Variants in AKT3 observed in about 807,000 individuals in gnomAD.
AKT3 encodes RAC-gamma serine/threonine-protein kinase.
In AKT3, 15 loss-of-function variants were observed where a neutral mutation model predicts 65.3. That is an observed-to-expected ratio of 0.23 (90% CI 0.15 to 0.35). The LOEUF (loss-of-function observed/expected upper bound fraction) is 0.35. Among genes scored for constraint, AKT3 ranks in the 10% least tolerant of loss-of-function variants. The pLI is 1.00. For missense variants in AKT3, 243 were observed against 576.5 expected, an observed-to-expected ratio of 0.42 and a Z score of 5.92; for synonymous variants, 206 against 183.8, an observed-to-expected ratio of 1.12 and a Z score of -0.98.
intron 3 of AKT3, among the ~76,000 whole-genome samples, chr1:243,666,903 A>G (rs1381881955): frequency 2.0e-5 from 3 of 152,208 alleles, no homozygotes; most frequent in Admixed American, 2.0e-4. Context: ...AGAAAACACA[A>G]AAACTAAGAG....
downstream of AKT3, among the ~76,000 whole-genome samples, chr1:243,497,226 A>G (rs1053369059): frequency 6.6e-6 from 1 of 151,986 alleles, no homozygotes; most frequent in Non-Finnish European, 1.5e-5. Context: ...GTGTGTTACC[A>G]AAGAGTCAGC....
intron 2 of AKT3, among the ~76,000 whole-genome samples, chr1:243,771,085 T>C (rs1008665185): frequency 6.6e-6 from 1 of 152,108 alleles, no homozygotes; most frequent in African/African-American, 2.4e-5. Flanking sequence ...GAAATGCTGT[T>C]TGTGCAAATG....
chr1:243,845,351 C>G (rs12024229), intron 1 of AKT3, among the ~76,000 whole-genome samples: 1 of 29,002 alleles, frequency 3.4e-5, no homozygotes, highest in African/African-American at 1.4e-4. Context: ...AGTTTGTAAT[C>G]CCAGCACTTT....
At chr1:243,537,748 A>G (rs1258061482) in intron 12 of AKT3, among the ~76,000 whole-genome samples, 1 of 152,198 alleles carries the variant, frequency 6.6e-6, no homozygotes, top group Non-Finnish European at 1.5e-5. Flanking sequence ...AAGAAGCCGC[A>G]GTGTATTCAC....
intron 8 of AKT3, among the ~76,000 whole-genome samples, chr1:243,596,348 T>A (rs1676613871): frequency 1.3e-5 from 2 of 152,214 alleles, no homozygotes; most frequent in African/African-American, 4.8e-5. Context: ...ATACAAATAT[T>A]TGGCAAACTA....
chr1:243,650,030 A>G (rs555451834), intron 4 of AKT3, among the ~76,000 whole-genome samples: 5 of 152,318 alleles, frequency 3.3e-5, no homozygotes, highest in African/African-American at 7.2e-5. Context: ...ACTCCCACCA[A>G]TAGTGTAATA....
At chr1:243,824,224 G>A (rs1382963476) in intron 2 of AKT3, among the ~76,000 whole-genome samples, 1 of 152,076 alleles carries the variant, frequency 6.6e-6, no homozygotes, top group Non-Finnish European at 1.5e-5. Flanking sequence ...AATTGAAACT[G>A]GGCCCCTTCC....
intron 6 of AKT3, among the ~76,000 whole-genome samples, chr1:243,628,848 T>C (rs921565536): frequency 2.1e-4 from 32 of 152,250 alleles, no homozygotes; most frequent in Admixed American, 1.8e-3. Flanking sequence ...AAGGGCTCAA[T>C]TGTACATTGT....
At chr1:243,726,597 C>CA (rs1286604489) in intron 2 of AKT3, among the ~76,000 whole-genome samples, 2 of 152,160 alleles carry the variant, frequency 1.3e-5, no homozygotes, top group Non-Finnish European at 2.9e-5. Context: ...CCAATATTCT[C>CA]TTTTTCAACC....
chr1:243,737,706 A>G (rs1687924117), intron 2 of AKT3, among the ~76,000 whole-genome samples: 1 of 152,202 alleles, frequency 6.6e-6, no homozygotes, highest in African/African-American at 2.4e-5. Context: ...TCTACAATAA[A>G]TAGGACAACT....
chr1:243,773,414 A>G (rs1690324308), intron 2 of AKT3, among the ~76,000 whole-genome samples: 1 of 152,052 alleles, frequency 6.6e-6, no homozygotes, highest in African/African-American at 2.4e-5. Context: ...ATTTACCTCC[A>G]CTGTGACCTC....
chr1:243,586,397 T>C lies in AKT3; in HGVS notation c.697-13349A>G, dbSNP rs117375613. 3.3e-4 allele frequency among the ~76,000 whole-genome samples: 51 copies of C among 152,284 alleles called. 1 individual carries two copies. The East Asian group carries it at 9.8e-3, about 29-fold the overall frequency. ...GACCCAGCAATCACATTACTGAGTG[T>C]GTACCCAAAAGAAAACAAATTGTTC... On this transcript the variant is annotated intron_variant, in intron 8 of 13. Transcript: ENST00000673466.
At chr1:243,618,432 A>G (rs986655960) in intron 6 of AKT3, among the ~76,000 whole-genome samples, 1 of 152,104 alleles carries the variant, frequency 6.6e-6, no homozygotes, top group African/African-American at 2.4e-5. Context: ...GTAAACACAG[A>G]TGCTAATAAT....
At chr1:243,737,057 T>C (rs560178637) in intron 2 of AKT3, among the ~76,000 whole-genome samples, 2 of 152,292 alleles carry the variant, frequency 1.3e-5, no homozygotes, top group East Asian at 3.9e-4. Context: ...GCAAGAGTCC[T>C]TTCTGTCACA....
Position 243,718,988 on chromosome 1 carries a change from T to C in AKT3, c.47-23272A>G, listed in dbSNP as rs1266987989. On this transcript the variant is annotated intron_variant, in intron 2 of 13. Transcript: ENST00000673466. ...GATAAGTCATTCCCTAAGGGGATAA[T>C]TCCCTTAGGGATAATTCCCCTAAGG... 2.0e-5 allele frequency among the ~76,000 whole-genome samples: 3 copies of C among 152,158 alleles called. No individual in the cohort carries two copies. In the South Asian group the frequency reaches 6.2e-4, roughly 31 times the overall value.
chr1:243,685,266 CAGGGTTTTTATGGTTTTACAGTTTT>C (rs1426951190), intron 3 of AKT3, among the ~76,000 whole-genome samples: 1 of 151,794 alleles, frequency 6.6e-6, no homozygotes, highest in African/African-American at 2.4e-5. Flanking sequence ...GGTTTTCTTC[CAGGGTTTTTATGGTTTTACAGTTTT>C]AGGGTTTTTA....
intron 6 of AKT3, among the ~76,000 whole-genome samples, chr1:243,626,538 A>C (rs1679175453): frequency 6.6e-6 from 1 of 152,208 alleles, no homozygotes; most frequent in African/African-American, 2.4e-5. Context: ...CTACCAAATT[A>C]ATCAGGATGA....
chr1:243,753,688 A>G (rs1688951965), intron 2 of AKT3, among the ~76,000 whole-genome samples: 1 of 152,170 alleles, frequency 6.6e-6, no homozygotes. Context: ...TTTCATCATA[A>G]TATATTCCTC....
At chr1:243,802,583 C>A (rs1288923553) in intron 2 of AKT3, among the ~76,000 whole-genome samples, 1 of 152,088 alleles carries the variant, frequency 6.6e-6, no homozygotes, top group Non-Finnish European at 1.5e-5. Context: ...AAACCAAGAT[C>A]ATTAATTTTC....
Sources: gnomAD v4.1 joint callset for allele counts (sites outside exome capture counted in the v4.1 genomes callset) on GRCh38, gnomAD v4.1.1 for gene constraint, MANE v1.5 for transcripts, NCBI Gene and HGNC (gene_info 2026-07-23, HGNC 2026-07-21) for gene names.